Variants in NRG3 observed in about 807,000 individuals in gnomAD.
NRG3 encodes the protein neuregulin 3, also known as pro-neuregulin-3, membrane-bound isoform.
A neutral mutation model predicts 66.9 loss-of-function variants in NRG3; 31 were observed. The observed-to-expected ratio is 0.46, with a 90% CI of 0.35 to 0.63. NRG3 has a LOEUF of 0.63. Among genes scored for constraint, NRG3 ranks in the 20% least tolerant of loss-of-function variants. The pLI, the probability that NRG3 is intolerant of heterozygous loss-of-function variation, is 0.00. For missense variants in NRG3, 910 were observed against 878.9 expected, an observed-to-expected ratio of 1.04 and a Z score of -0.45; for synonymous variants, 393 against 359.4, an observed-to-expected ratio of 1.09 and a Z score of -1.06.
At chr10:82,458,409 A>T (rs1398915725) in intron 2 of NRG3, among the ~76,000 whole-genome samples, 1 of 152,210 alleles carries the variant, frequency 6.6e-6, no homozygotes, top group Admixed American at 6.5e-5. Context: ...GGGTACAAAG[A>T]TGAACTCCAT....
At chr10:82,766,513 T>C (rs763233298) in intron 3 of NRG3, among the ~76,000 whole-genome samples, 1 of 152,188 alleles carries the variant, frequency 6.6e-6, no homozygotes, top group Non-Finnish European at 1.5e-5. Context: ...TTTTATAATT[T>C]GCTTGAGGTT....
At chr10:82,887,672 C>T (rs1842837967) in intron 4 of NRG3, among the ~76,000 whole-genome samples, 1 of 143,824 alleles carries the variant, frequency 7.0e-6, no homozygotes, top group African/African-American at 2.7e-5. Flanking sequence ...GGACTATTTT[C>T]CCAGCAATTG....
Position 82,230,558 on chromosome 10 carries a change from G to T in NRG3, c.824-128181G>T, listed in dbSNP as rs573702824. The stretch of plus-strand genomic sequence containing the variant: ...CAAACAGTTTTCAACATGAAATACT[G>T]CTCAGAATCTAGTTGCCAGATTCCT... On this transcript the variant is annotated intron_variant, in intron 1 of 8. Transcript: ENST00000372141. Among the ~76,000 whole-genome samples the T allele has an allele frequency of 2.0e-5, 3 of 151,596 alleles. No individual in the cohort carries two copies. The South Asian group carries it at 6.2e-4, about 32-fold the overall frequency.
chr10:82,499,508 G>A (rs763051082), intron 2 of NRG3, among the ~76,000 whole-genome samples: 1 of 151,946 alleles, frequency 6.6e-6, no homozygotes, highest in Non-Finnish European at 1.5e-5. Flanking sequence ...TTTTTAGAAA[G>A]AATATGATTT....
intron 1 of NRG3, among the ~76,000 whole-genome samples, chr10:82,135,908 A>C (rs995695852): frequency 3.3e-5 from 5 of 152,078 alleles, no homozygotes; most frequent in African/African-American, 1.2e-4. Context: ...GATATTCGTC[A>C]ATGTCTAGGC....
At chr10:82,078,604 C>A (rs573925111) in intron 1 of NRG3, among the ~76,000 whole-genome samples, 163 of 152,266 alleles carry the variant, frequency 1.1e-3, no homozygotes, top group African/African-American at 3.8e-3. Context: ...ACCGCCTTGG[C>A]CTCCCAAAGT....
chr10:82,882,453 A>G (rs1374035548), intron 4 of NRG3, among the ~76,000 whole-genome samples: 1 of 152,214 alleles, frequency 6.6e-6, no homozygotes, highest in Non-Finnish European at 1.5e-5. Context: ...TGTCCCACAT[A>G]CACCTAACAT....
intron 1 of NRG3, among the ~76,000 whole-genome samples, chr10:82,264,424 C>T (rs540782404): frequency 6.6e-5 from 10 of 152,186 alleles, no homozygotes; most frequent in African/African-American, 2.2e-4. Flanking sequence ...CCGCCCCGCC[C>T]GATTCAATTA....
chr10:82,714,175 T>C (rs79420843), intron 2 of NRG3, among the ~76,000 whole-genome samples: 3,078 of 152,340 alleles, frequency 0.02, 104 homozygotes, highest in African/African-American at 0.07. Context: ...TGCAATATGC[T>C]GTGACTAAAT....
chr10:82,828,743 T>A (rs1359580674), intron 3 of NRG3, among the ~76,000 whole-genome samples: 1 of 152,050 alleles, frequency 6.6e-6, no homozygotes, highest in Non-Finnish European at 1.5e-5. Context: ...ACAAAATAAG[T>A]TGGGAGTGGC....
intron 1 of NRG3, among the ~76,000 whole-genome samples, chr10:82,033,177 G>T (rs2062646020): frequency 6.6e-6 from 1 of 152,082 alleles, no homozygotes; most frequent in Non-Finnish European, 1.5e-5. Context: ...ACAGAATGTT[G>T]CATTTCTATA....
chr10:82,717,478 C>T (rs1251015711), intron 2 of NRG3, among the ~76,000 whole-genome samples: 1 of 146,882 alleles, frequency 6.8e-6, no homozygotes, highest in Non-Finnish European at 1.5e-5. Context: ...TGGCTCACTG[C>T]AAGCTCTGCC....
At chr10:82,175,872 A>G (rs549156932) in intron 1 of NRG3, among the ~76,000 whole-genome samples, 4 of 152,262 alleles carry the variant, frequency 2.6e-5, no homozygotes, top group African/African-American at 9.6e-5. Context: ...GATATATATC[A>G]TTTCATTTGA....
At chr10:81,915,098 A>T (rs1845551305) in intron 1 of NRG3, among the ~76,000 whole-genome samples, 1 of 152,196 alleles carries the variant, frequency 6.6e-6, no homozygotes, top group Non-Finnish European at 1.5e-5. Flanking sequence ...TTTGCTTCTC[A>T]TTAAGGGACT....
chr10:82,106,499 A>G (rs1238935798), intron 1 of NRG3, among the ~76,000 whole-genome samples: 5 of 150,652 alleles, frequency 3.3e-5, no homozygotes, highest in Non-Finnish European at 7.4e-5. Flanking sequence ...TTGAAAATGC[A>G]TAATTAGACT....
chr10:82,659,338 AT>A (rs890128157), intron 2 of NRG3, among the ~76,000 whole-genome samples: 4 of 151,908 alleles, frequency 2.6e-5, no homozygotes, highest in South Asian at 2.1e-4. Flanking sequence ...TGTCTCTGCA[AT>A]TTTTTTTTAA....
At chr10:82,549,421 C>G (rs2044154763) in intron 2 of NRG3, among the ~76,000 whole-genome samples, 1 of 152,078 alleles carries the variant, frequency 6.6e-6, no homozygotes, top group African/African-American at 2.4e-5. Flanking sequence ...TTCAAGTAAT[C>G]CTGGGTCTGC....
At chr10:82,290,942 T>G (rs2079705835) in intron 1 of NRG3, among the ~76,000 whole-genome samples, 2 of 151,964 alleles carry the variant, frequency 1.3e-5, no homozygotes. Flanking sequence ...CGCACCCAGC[T>G]GACTTCAAAT....
At chr10:82,548,317 A>C (rs1040846590) in intron 2 of NRG3, among the ~76,000 whole-genome samples, 1 of 152,062 alleles carries the variant, frequency 6.6e-6, no homozygotes, top group Non-Finnish European at 1.5e-5. Context: ...TCCTTGACTA[A>C]TTAAGGCAAT....
Sources: allele counts gnomAD v4.1 joint callset (sites outside exome capture counted in the v4.1 genomes callset), GRCh38; gene constraint gnomAD v4.1.1; transcripts MANE v1.5; gene names NCBI Gene and HGNC (gene_info 2026-07-23, HGNC 2026-07-21).